The following MACROD2 variants were observed in gnomAD, a reference collection of about 807,000 sequenced individuals.
The protein encoded by MACROD2 is ADP-ribose glycohydrolase MACROD2.
A neutral mutation model predicts 70.4 loss-of-function variants in MACROD2; 36 were observed. The observed-to-expected ratio is 0.51, with a 90% CI of 0.39 to 0.68. The LOEUF (loss-of-function observed/expected upper bound fraction) is 0.68, where lower values mean the gene tolerates loss of function less well. Among genes scored for constraint, MACROD2 ranks in the 30% least tolerant of loss-of-function variants. MACROD2 has a pLI of 0.00. For missense variants in MACROD2, 496 were observed against 538.4 expected, an observed-to-expected ratio of 0.92 and a Z score of 0.78; for synonymous variants, 172 against 178.8, an observed-to-expected ratio of 0.96 and a Z score of 0.30.
chr20:15,373,626 C>T lies in MACROD2; in HGVS notation c.541-57779C>T, dbSNP rs551596939. Among the ~76,000 whole-genome samples the T allele has an allele frequency of 2.6e-5, 4 of 152,268 alleles. No homozygotes were observed. The South Asian group carries it at 8.3e-4, about 32-fold the overall frequency. ...CTTTGTTGCCCAGGATGGTCTCAGA[C>T]TCCTGGCTTCAAGTGATCCTCCTAC... On this transcript the variant is annotated intron_variant, in intron 6 of 17. Transcript: ENST00000684519.
chr20:14,788,307 C>T lies in MACROD2; in HGVS notation c.418+103348C>T, dbSNP rs537262840. Among the ~76,000 whole-genome samples the T allele has an allele frequency of 5.0e-4, 76 of 151,962 alleles. 1 individual carries two copies. Among genetic ancestry groups the T allele is most frequent in the African/African-American group, 1.8e-3 (73 of 41,412 alleles). On this transcript the variant is annotated intron_variant, in intron 5 of 17. Coordinates refer to ENST00000684519, the MANE Select transcript of MACROD2 (RefSeq NM_001351661.2). The stretch of plus-strand genomic sequence containing the variant: ...TTCTTTATTAAGAAGGACTGTGGCC[C>T]GGTGCGGTGGCTCACACCTGTAATT...
At chr20:14,755,631 T>A (rs557546753) in intron 5 of MACROD2, among the ~76,000 whole-genome samples, 1 of 152,076 alleles carries the variant, frequency 6.6e-6, no homozygotes, top group Non-Finnish European at 1.5e-5. Flanking sequence ...TAGTAGAAGG[T>A]GTGTCAAATG....
intron 8 of MACROD2, among the ~76,000 whole-genome samples, chr20:15,834,164 CGTT>C (rs1344688797): frequency 3.3e-5 from 5 of 152,086 alleles, no homozygotes; most frequent in African/African-American, 7.2e-5. Flanking sequence ...CAGAATTACT[CGTT>C]GTTATTTAAA....
At position 15,785,907 on chromosome 20, in the gene MACROD2, A is replaced by G. The variant is rs187459806; in HGVS notation, c.646-76838A>G. On this transcript the variant is annotated intron_variant, in intron 8 of 17. Transcript: ENST00000684519. ...GGATATTAATATAAAGCAGATGGAC[A>G]TCATATATCACAGAAATAATACCCA... Among the ~76,000 whole-genome samples the G allele has an allele frequency of 1.9e-4, 29 of 152,364 alleles. No homozygotes were observed. The East Asian group carries it at 5.4e-3, about 28-fold the overall frequency.
intron 5 of MACROD2, among the ~76,000 whole-genome samples, chr20:14,773,366 A>G (rs1402956643): frequency 1.3e-5 from 2 of 152,004 alleles, no homozygotes; most frequent in African/African-American, 4.8e-5. Flanking sequence ...CCCTTTGACC[A>G]ACATCTCATT....
At position 15,233,116 on chromosome 20, in the gene MACROD2, T is replaced by C. The variant is rs146531024; in HGVS notation, c.540+3055T>C. Among the ~76,000 whole-genome samples, 49 of 152,202 alleles carry C rather than the reference T, an allele frequency of 3.2e-4. No homozygotes were observed. The East Asian group carries it at 5.8e-3, about 18-fold the overall frequency. The stretch of plus-strand genomic sequence containing the variant: ...TTGAGAATACTCTGTAGTTCTCTTA[T>C]CACTTTTAAATATCTTCCCAGAGAT... On this transcript the variant is annotated intron_variant, in intron 6 of 17. Coordinates refer to ENST00000684519, the MANE Select transcript of MACROD2 (RefSeq NM_001351661.2).
intron 3 of MACROD2, among the ~76,000 whole-genome samples, chr20:14,405,083 G>T (rs1302525503): frequency 1.3e-5 from 2 of 152,206 alleles, no homozygotes; most frequent in Middle Eastern, 3.4e-3. Context: ...AAACTTACAT[G>T]TATCTAATAT....
At chr20:14,098,852 A>G (rs186512314) in intron 3 of MACROD2, among the ~76,000 whole-genome samples, 1 of 152,348 alleles carries the variant, frequency 6.6e-6, no homozygotes, top group Admixed American at 6.5e-5. Context: ...TTGACTTTTC[A>G]CAAAGTTTTT....
At chr20:14,667,260 C>G (rs1431265616) in intron 4 of MACROD2, among the ~76,000 whole-genome samples, 2 of 152,092 alleles carry the variant, frequency 1.3e-5, no homozygotes, top group Non-Finnish European at 2.9e-5. Flanking sequence ...GCTTGCATTG[C>G]TAGCCAGCAC....
At chr20:14,057,341 T>C (rs1415097901) in intron 2 of MACROD2, among the ~76,000 whole-genome samples, 1 of 152,102 alleles carries the variant, frequency 6.6e-6, no homozygotes, top group East Asian at 1.9e-4. Context: ...AACAAAACAG[T>C]AACAGCAGAT....
At chr20:16,010,997 C>G (rs1045514323) in intron 15 of MACROD2, among the ~76,000 whole-genome samples, 2 of 152,132 alleles carry the variant, frequency 1.3e-5, no homozygotes, top group Non-Finnish European at 2.9e-5. Flanking sequence ...AAAGGCTTTC[C>G]TGGGCAGACT....
chr20:15,878,691 T>C (rs116014842), intron 9 of MACROD2, among the ~76,000 whole-genome samples: 260 of 152,192 alleles, frequency 1.7e-3, no homozygotes, highest in African/African-American at 6.1e-3. Context: ...TGTTGGGAAA[T>C]GACAGGTACC....
chr20:14,634,288 A>C (rs539616048), intron 4 of MACROD2, among the ~76,000 whole-genome samples: 14 of 152,364 alleles, frequency 9.2e-5, no homozygotes, highest in Admixed American at 7.8e-4. Flanking sequence ...TGGAGGATGG[A>C]CACTGAATGA....
intron 5 of MACROD2, among the ~76,000 whole-genome samples, chr20:15,169,130 T>A (rs563266826): frequency 9.2e-5 from 14 of 152,300 alleles, no homozygotes; most frequent in African/African-American, 3.1e-4. Context: ...CTAAACTGTA[T>A]ACCTAAAATT....
chr20:15,578,288 C>T (rs554493862), intron 8 of MACROD2, among the ~76,000 whole-genome samples: 1 of 152,296 alleles, frequency 6.6e-6, no homozygotes, highest in African/African-American at 2.4e-5. Context: ...ATGGGTGGGA[C>T]GTGTACTTTG....
At chr20:15,817,220 T>G (rs2063886603) in intron 8 of MACROD2, among the ~76,000 whole-genome samples, 1 of 152,210 alleles carries the variant, frequency 6.6e-6, no homozygotes, top group Non-Finnish European at 1.5e-5. Context: ...AAGATAAACT[T>G]CTTATAATTA....
At chr20:14,481,743 T>C (rs929936970) in intron 3 of MACROD2, among the ~76,000 whole-genome samples, 15 of 152,234 alleles carry the variant, frequency 9.9e-5, no homozygotes, top group African/African-American at 3.6e-4. Flanking sequence ...AATAGTTACT[T>C]ACCAGCCCAT....
At chr20:15,457,550 G>C (rs1184697598) in intron 7 of MACROD2, among the ~76,000 whole-genome samples, 2 of 152,110 alleles carry the variant, frequency 1.3e-5, no homozygotes, top group African/African-American at 4.8e-5. Flanking sequence ...TGGAAATGCA[G>C]TTTTATCTGA....
At chr20:14,831,935 C>T (rs1343772757) in intron 5 of MACROD2, among the ~76,000 whole-genome samples, 1 of 138,172 alleles carries the variant, frequency 7.2e-6, no homozygotes, top group East Asian at 2.0e-4. Flanking sequence ...GGGATGCATT[C>T]TGACTATATT....
Sources: gnomAD v4.1 joint callset for allele counts (sites outside exome capture counted in the v4.1 genomes callset) on GRCh38, gnomAD v4.1.1 for gene constraint, MANE v1.5 for transcripts, NCBI Gene and HGNC (gene_info 2026-07-23, HGNC 2026-07-21) for gene names.